Variants in FARS2 observed in about 807,000 individuals in gnomAD.
The protein encoded by FARS2 is phenylalanyl-tRNA synthetase 2, mitochondrial.
Under a neutral mutation model 46.4 loss-of-function variants are expected in FARS2, and 40 were observed. The ratio of observed to expected loss-of-function variants is 0.86; its 90% CI spans 0.67 to 1.12. FARS2 has a LOEUF of 1.12. FARS2 is among the 50% of genes most tolerant of loss of function. FARS2 has a pLI of 0.00. For synonymous variants in FARS2, 234 were observed against 214.9 expected (o/e 1.09, Z -0.78); for missense variants, 513 against 567.9 (o/e 0.90, Z 0.98).
chr6:5,371,390 A>G (rs541362273), intron 2 of FARS2, among the ~76,000 whole-genome samples: 1 of 152,234 alleles, frequency 6.6e-6, no homozygotes, highest in South Asian at 2.1e-4. Context: ...TTGTTGTTTA[A>G]TCTTTGTAAT....
chr6:5,320,342 G>C (rs1387879348), intron 1 of FARS2, among the ~76,000 whole-genome samples: 1 of 152,196 alleles, frequency 6.6e-6, no homozygotes, highest in Non-Finnish European at 1.5e-5. Flanking sequence ...AAGTATTAAT[G>C]ATGGGAGGCC....
rs753113504 is a variant in FARS2, at chr6:5,318,387, CAA to C, written c.-21-50144_-21-50143del. ...AAAAAGCAAACAAGCAAAAAAAAACCAAAAAAAAAAAAAAAAAAAACCCTACA... is the reference window on the plus strand; with the variant it reads ...AAAAAGCAAACAAGCAAAAAAAAACCAAAAAAAAAAAAAAAAAACCCTACA... On this transcript the variant is annotated intron_variant, in intron 1 of 6. Coordinates refer to ENST00000274680, the MANE Select transcript of FARS2 (RefSeq NM_006567.5). Among the ~76,000 whole-genome samples the C allele has an allele frequency of 1.7e-3, 129 of 77,182 alleles. 1 individual carries two copies. Among genetic ancestry groups the C allele is most frequent in the South Asian group, 9.5e-3 (20 of 2,114 alleles). The allele number at this position is 77,182 out of a possible 152,430, so 50.6% of individuals were successfully genotyped here. A position where few individuals can be genotyped will look rare whatever the true frequency, so the allele number is the denominator to read the frequency against.
At position 5,721,704 on chromosome 6, in the gene FARS2, T is replaced by C. The variant is rs60279237; in HGVS notation, c.1218-49587T>C. On this transcript the variant is annotated intron_variant, in intron 6 of 6. Transcript: ENST00000274680. ...TATTGGGAAATATGGAGACACATTT[T>C]CCAACGTTGACAATTTTCCAAATTT... Among the ~76,000 whole-genome samples, 912 of 152,342 alleles carry C rather than the reference T, an allele frequency of 6.0e-3. 4 individuals are homozygous for C. The highest frequency in any genetic ancestry group is 0.02 in the African/African-American group (847 of 41,572).
intron 6 of FARS2, among the ~76,000 whole-genome samples, chr6:5,619,567 GA>G (rs1775657160): frequency 6.6e-6 from 1 of 152,140 alleles, no homozygotes; most frequent in Non-Finnish European, 1.5e-5. Flanking sequence ...ATCCCTACTT[GA>G]ACTTCCTCAT....
At chr6:5,493,307 T>C (rs1256938430) in intron 4 of FARS2, among the ~76,000 whole-genome samples, 3 of 152,182 alleles carry the variant, frequency 2.0e-5, no homozygotes, top group Non-Finnish European at 4.4e-5. Context: ...CTTTTCATTC[T>C]CATTTATTCC....
At chr6:5,482,570 G>A (rs1766531792) in intron 4 of FARS2, among the ~76,000 whole-genome samples, 1 of 152,106 alleles carries the variant, frequency 6.6e-6, no homozygotes, top group Non-Finnish European at 1.5e-5. Context: ...AATGCCAGGT[G>A]GTGTGCTAGG....
chr6:5,284,763 G>T lies in FARS2; in HGVS notation c.-22+23103G>T, dbSNP rs1364264423. ...TGAAATGTTCTCCCTCCTCTTCTGT[G>T]ATGTGAAGAGCTGAGCTCTGTGGTC... On this transcript the variant is annotated intron_variant, in intron 1 of 6. Transcript: ENST00000274680. Among the ~76,000 whole-genome samples the T allele has an allele frequency of 3.9e-5, 6 of 152,044 alleles. No individual in the cohort carries two copies. In the East Asian group the frequency reaches 1.2e-3, roughly 29 times the overall value.
chr6:5,580,617 C>T (rs571185776), intron 5 of FARS2, among the ~76,000 whole-genome samples: 7 of 152,280 alleles, frequency 4.6e-5, no homozygotes, highest in African/African-American at 1.4e-4. Context: ...ATGCCTCCCT[C>T]GCTCATATCA....
At chr6:5,367,894 T>C (rs931595592) in intron 1 of FARS2, among the ~76,000 whole-genome samples, 1 of 152,206 alleles carries the variant, frequency 6.6e-6, no homozygotes, top group Non-Finnish European at 1.5e-5. Context: ...AGATTTTCTA[T>C]TTTATCTTTA....
chr6:5,705,412 G>A lies in FARS2; in HGVS notation c.1218-65879G>A, dbSNP rs541856061. Among the ~76,000 whole-genome samples, 3 of 152,240 alleles carry A rather than the reference G, an allele frequency of 2.0e-5. No homozygotes were observed. In the South Asian group the frequency reaches 6.2e-4, roughly 31 times the overall value. ...ATGCGCCATGAAGAGCGATTGCGGT[G>A]TGCTGAAGCCACAGATCATGGCGCT... is the stretch of plus-strand genomic sequence containing the variant. On this transcript the variant is annotated intron_variant, in intron 6 of 6. Transcript: ENST00000274680.
chr6:5,273,890 GT>G (rs752702335), intron 1 of FARS2, among the ~76,000 whole-genome samples: 23 of 151,818 alleles, frequency 1.5e-4, no homozygotes, highest in African/African-American at 4.8e-4. Context: ...ATTGAAGAGT[GT>G]TTTTTTTCCC....
At chr6:5,341,253 TTTTTC>T in intron 1 of FARS2, among the ~76,000 whole-genome samples, 2 of 99,368 alleles carry the variant, frequency 2.0e-5, no homozygotes, top group Non-Finnish European at 4.2e-5. Flanking sequence ...TTTTTTTTTT[TTTTTC>T]CCTGTGAGAG....
Position 5,344,792 on chromosome 6 carries a change from C to CT in FARS2, c.-21-23744dup, listed in dbSNP as rs757967957. On this transcript the variant is annotated intron_variant, in intron 1 of 6. Transcript: ENST00000274680. The stretch of plus-strand genomic sequence containing the variant: ...CTCGTTTTCTCTTTCTTTCTTTTCT[C>CT]TTTTTTTTTTTTTTGAAATAGAGTT... 9.3e-3 allele frequency among the ~76,000 whole-genome samples: 1,331 copies of CT among 143,606 alleles called. 16 individuals are homozygous for CT. The highest frequency in any genetic ancestry group is 0.027 in the African/African-American group (1,056 of 39,438). 94.2% of individuals were successfully genotyped at this position (143,606 alleles called of 152,430 possible).
intron 1 of FARS2, among the ~76,000 whole-genome samples, chr6:5,359,583 T>C (rs1758173469): frequency 6.6e-6 from 1 of 152,214 alleles, no homozygotes; most frequent in Non-Finnish European, 1.5e-5. Context: ...GCCAAGTGCT[T>C]GTATAATTGT....
intron 3 of FARS2, among the ~76,000 whole-genome samples, chr6:5,424,135 T>G (rs972639059): frequency 2.0e-5 from 3 of 152,152 alleles, no homozygotes; most frequent in Non-Finnish European, 4.4e-5. Context: ...AGGGTCGAGC[T>G]GGTGTTCTTT....
chr6:5,526,469 T>TA (rs1769470436), intron 4 of FARS2, among the ~76,000 whole-genome samples: 1 of 152,238 alleles, frequency 6.6e-6, no homozygotes. Flanking sequence ...TGGCATTACT[T>TA]ACTCTAAATT....
chr6:5,432,144 C>A (rs901885324), intron 4 of FARS2, among the ~76,000 whole-genome samples: 5 of 148,666 alleles, frequency 3.4e-5, no homozygotes, highest in Admixed American at 6.8e-5. Flanking sequence ...ATGGTGAAAC[C>A]CTGTCTCTAC....
chr6:5,255,564 T>TAA, the FARS2 span, among the ~76,000 whole-genome samples: 1 of 152,212 alleles, frequency 6.6e-6, no homozygotes, highest in Non-Finnish European at 1.5e-5. Context: ...TCCTCAGTAA[T>TAA]ATTTAAGAAC....
At chr6:5,523,719 C>G (rs1262004289) in intron 4 of FARS2, among the ~76,000 whole-genome samples, 1 of 152,198 alleles carries the variant, frequency 6.6e-6, no homozygotes, top group East Asian at 1.9e-4. Flanking sequence ...ACCTAGCACA[C>G]TTTCTGTGTG....
Sources: allele counts gnomAD v4.1 joint callset (sites outside exome capture counted in the v4.1 genomes callset), GRCh38; gene constraint gnomAD v4.1.1; transcripts MANE v1.5; gene names NCBI Gene and HGNC (gene_info 2026-07-23, HGNC 2026-07-21).